The following G3BP1 variants were observed in gnomAD, a reference collection of about 807,000 sequenced individuals.
The protein encoded by G3BP1 is ras GTPase-activating protein-binding protein 1.
A neutral mutation model predicts 58.6 loss-of-function variants in G3BP1; 35 were observed. That is an observed-to-expected ratio of 0.60 (90% CI 0.46 to 0.79). The LOEUF is 0.79. Among genes scored for constraint, G3BP1 ranks in the 30% least tolerant of loss-of-function variants. The pLI is 0.00. For missense variants in G3BP1, 523 were observed against 580.8 expected (o/e 0.90, Z 1.02); for synonymous variants, 191 against 195.4 (o/e 0.98, Z 0.19).
chr5:151,800,871 TA>T lies in G3BP1; in HGVS notation c.1194+4del. 6.9e-7 allele frequency: 1 copy of T among 1,452,342 alleles called. No homozygotes were observed. Among genetic ancestry groups the T allele is most frequent in the Non-Finnish European group, 9.6e-7 (1 of 1,044,696 alleles). The allele number at this position is 1,452,342 out of a possible 1,614,324, so 90.0% of individuals were successfully genotyped here. A position where few individuals can be genotyped will look rare whatever the true frequency, so the allele number is the denominator to read the frequency against. ...GTTCAGAAAGTCCTTAGCAACAGGG[TA>T]AGCAGCTTTTTGTCTTGATTTTTTT... On this transcript the variant is annotated splice_donor_region_variant and intron_variant, in intron 11 of 11. Coordinates refer to ENST00000356245, the MANE Select transcript of G3BP1 (RefSeq NM_005754.3).
At chr5:151,796,377 C>T (rs1253720842) in intron 6 of G3BP1, among the ~76,000 whole-genome samples, 1 of 152,148 alleles carries the variant, frequency 6.6e-6, no homozygotes, top group Non-Finnish European at 1.5e-5. Flanking sequence ...CAAGCAATCC[C>T]CCTGCCTCAG....
rs1161835531 is a variant in G3BP1 at position 151,810,864 on chromosome 5, T to C, written c.*6773T>C. 1.3e-5 allele frequency: 2 copies of C among 152,212 alleles called. No individual in the cohort carries two copies. Among genetic ancestry groups the C allele is most frequent in the Admixed American group, 6.5e-5 (1 of 15,270 alleles). 9.4% of individuals were successfully genotyped at this position (152,212 alleles called of 1,614,324 possible). A position where few individuals can be genotyped will look rare whatever the true frequency, so the allele number is the denominator to read the frequency against. ...GGATATATAAGGGGGAGGAAGTCAC[T>C]GGCCAGTTTGAGGTGCTTCCATTGG... On this transcript the variant is annotated 3_prime_UTR_variant, in exon 12 of 12. Transcript: ENST00000356245.
rs1762921490 is a variant in G3BP1, at chr5:151,805,154, A to T, written c.*1063A>T. ...TATTCTGGTATCTAATCAGATTCCT[A>T]ATCATAGCCCGTAAGAAGGAATGTT... On this transcript the variant is annotated 3_prime_UTR_variant, in exon 12 of 12. Transcript: ENST00000356245. 1 of 152,626 alleles carries T rather than the reference A, an allele frequency of 6.6e-6. No homozygotes were observed. The allele number at this position is 152,626 out of a possible 1,614,324, so 9.5% of individuals were successfully genotyped here.
rs897708099 is a variant in G3BP1 at position 151,806,795 on chromosome 5, T to C, written c.*2704T>C. 3 of 152,134 alleles carry C rather than the reference T, an allele frequency of 2.0e-5. No individual in the cohort carries two copies. Among genetic ancestry groups the C allele is most frequent in the African/African-American group, 7.2e-5 (3 of 41,418 alleles). The allele number at this position is 152,134 out of a possible 1,614,324, so 9.4% of individuals were successfully genotyped here. On this transcript the variant is annotated 3_prime_UTR_variant, in exon 12 of 12. Transcript: ENST00000356245. ...TAGAACTCTTGACCCATGAGATTTTTTTTTTAAATTTTTATTTTTATAGAG... is the reference window on the plus strand; with the variant it reads ...TAGAACTCTTGACCCATGAGATTTTCTTTTTAAATTTTTATTTTTATAGAG...
At position 151,804,614 on chromosome 5, in the gene G3BP1, AT is replaced by A. The variant is rs1762912373; in HGVS notation, c.*527del. 6.6e-6 allele frequency: 1 copy of A among 152,648 alleles called. No homozygotes were observed. The highest frequency in any genetic ancestry group is 1.9e-4 in the East Asian group (1 of 5,198). 9.5% of individuals were successfully genotyped at this position (152,648 alleles called of 1,614,324 possible). The stretch of plus-strand genomic sequence containing the variant: ...GAAATTGCCATTGGAAAATTTGACA[AT>A]TTTGATTCTCACTGGTATGTTTAAA... On this transcript the variant is annotated 3_prime_UTR_variant, in exon 12 of 12. Coordinates refer to ENST00000356245, the MANE Select transcript of G3BP1 (RefSeq NM_005754.3).
Position 151,800,227 on chromosome 5 carries a change from C to T in G3BP1, c.965C>T (p.Ala322Val), listed in dbSNP as rs1413777038. ...PQRGPRPIRE[A>V]GEQGDIEPRR... Reference sequence around the variant, plus strand: ...TTTGTCTCCTTTTAAGTCCGTGAGGCTGGTGAGCAAGGTGACATTGAACCC... The same window carrying T: ...TTTGTCTCCTTTTAAGTCCGTGAGGTTGGTGAGCAAGGTGACATTGAACCC... Residue 322 changes from alanine to valine, a missense_variant, in exon 10 of 12, where the codon GCT becomes GTT. By Grantham distance (64) the Ala-to-Val change is moderately conservative. Around this residue, in one of 2 missense-constraint regions of G3BP1, gnomAD observed 398 missense variants for 399.1 expected, o/e 1.00. Transcript: ENST00000356245. 1.9e-6 allele frequency: 3 copies of T among 1,612,320 alleles called. No individual in the cohort carries two copies. The highest frequency in any genetic ancestry group is 2.7e-5 in the African/African-American group (2 of 74,864).
chr5:151,780,981 T>C (rs1762460937), intron 1 of G3BP1, among the ~76,000 whole-genome samples: 4 of 152,220 alleles, frequency 2.6e-5, no homozygotes, highest in Admixed American at 2.6e-4. Context: ...GGGTATGAAC[T>C]GCTCAGGTCC....
At chr5:151,798,681 G>A (rs939518473) in intron 7 of G3BP1, among the ~76,000 whole-genome samples, 1 of 152,118 alleles carries the variant, frequency 6.6e-6, no homozygotes, top group Non-Finnish European at 1.5e-5. Flanking sequence ...AGCTTTTGTT[G>A]GGCCAGGCGT....
At chr5:151,802,628 A>C (rs1231734119) in intron 11 of G3BP1, among the ~76,000 whole-genome samples, 1 of 152,186 alleles carries the variant, frequency 6.6e-6, no homozygotes, top group African/African-American at 2.4e-5. Flanking sequence ...TGTAAAGGTT[A>C]AGTGAGCTAA....
At chr5:151,781,382 G>A (rs570162012) in intron 1 of G3BP1, among the ~76,000 whole-genome samples, 25 of 152,290 alleles carry the variant, frequency 1.6e-4, no homozygotes, top group African/African-American at 5.3e-4. Flanking sequence ...CAATGTGCTT[G>A]TGTTGCAAGT....
chr5:151,773,008 C>T (rs1307779309), intron 1 of G3BP1, among the ~76,000 whole-genome samples: 1 of 152,198 alleles, frequency 6.6e-6, no homozygotes, highest in East Asian at 1.9e-4. Flanking sequence ...GGTAGATGTG[C>T]CGCCACCGTA....
At chr5:151,790,501 C>T in intron 3 of G3BP1, 97 bp downstream of exon 3, 1 of 579,752 alleles carries the variant, frequency 1.7e-6, no homozygotes, top group Non-Finnish European at 3.0e-6. Context: ...GATAAAGATC[C>T]AGTTTCTCAA....
At position 151,805,450 on chromosome 5, in the gene G3BP1, A is replaced by G. The variant is rs1007957407; in HGVS notation, c.*1359A>G. The G allele has an allele frequency of 6.6e-6, 1 of 152,354 alleles. No individual in the cohort carries two copies. Among genetic ancestry groups the G allele is most frequent in the Non-Finnish European group, 1.5e-5 (1 of 68,034 alleles). The allele number at this position is 152,354 out of a possible 1,614,324, so 9.4% of individuals were successfully genotyped here. A position where few individuals can be genotyped will look rare whatever the true frequency, so the allele number is the denominator to read the frequency against. ...AGGTTTTGTTTACACGTGTGAAACA[A>G]ACTTTTGTGTGATTGTCATTACTAA... is the stretch of plus-strand genomic sequence containing the variant. On this transcript the variant is annotated 3_prime_UTR_variant, in exon 12 of 12. Transcript: ENST00000356245.
chr5:151,791,065 A>G lies in G3BP1; in HGVS notation c.351+3A>G, dbSNP rs368770743. ...AAACGTTTGTCCTTGCTCCTGAGGTATGTGTAGGAATGATTATTTTGTAGT... is the reference window on the plus strand; with the variant it reads ...AAACGTTTGTCCTTGCTCCTGAGGTGTGTGTAGGAATGATTATTTTGTAGT... On this transcript the variant is annotated splice_donor_region_variant and intron_variant, in intron 4 of 11. Coordinates refer to ENST00000356245, the MANE Select transcript of G3BP1 (RefSeq NM_005754.3). 3.5e-5 allele frequency: 56 copies of G among 1,606,290 alleles called. No homozygotes were observed. Among genetic ancestry groups the G allele is most frequent in the African/African-American group, 3.3e-4 (25 of 74,766 alleles).
chr5:151,803,190 A>G (rs1315385717), intron 11 of G3BP1, among the ~76,000 whole-genome samples: 1 of 152,258 alleles, frequency 6.6e-6, no homozygotes, highest in Admixed American at 6.5e-5. Flanking sequence ...TTTATTTTAA[A>G]TGTATATGTA....
At position 151,800,658 on chromosome 5, in the gene G3BP1, C is replaced by T. The variant is rs1055546414; in HGVS notation, c.1085-102C>T. The T allele has an allele frequency of 5.3e-6, 4 of 755,290 alleles. No homozygotes were observed. The African/African-American group carries it at 6.9e-5, about 13-fold the overall frequency. 46.8% of individuals were successfully genotyped at this position (755,290 alleles called of 1,614,324 possible). ...TAGCTATATTTATAATTCAAGTGCT[C>T]AGTAGTCACATGCATCTAGTGGCTA... On this transcript the variant is annotated intron_variant, in intron 10 of 11. Coordinates refer to ENST00000356245, the MANE Select transcript of G3BP1 (RefSeq NM_005754.3).
At position 151,803,291 on chromosome 5, in the gene G3BP1, TTTTTTTA is replaced by T. The variant is rs1323096012; in HGVS notation, c.1195-577_1195-571del. Reference sequence around the variant, plus strand: ...CCAAATCTATGGAGAAGGTGGCAATTTTTTTTATTTTTTATTTTTTATTGGGACGGAG... The same window carrying T: ...CCAAATCTATGGAGAAGGTGGCAATTTTTTTTATTTTTTATTGGGACGGAG... On this transcript the variant is annotated intron_variant, in intron 11 of 11. Transcript: ENST00000356245. Among the ~76,000 whole-genome samples, 8 of 152,304 alleles carry T rather than the reference TTTTTTTA, an allele frequency of 5.3e-5. No individual in the cohort carries two copies. The South Asian group carries it at 1.2e-3, about 24-fold the overall frequency.
chr5:151,803,892 T>C lies in G3BP1; in HGVS notation c.1202T>C (p.Met401Thr), dbSNP rs754288732. ...TCACCTTGATTCTTACAGCCCATCATGTTCAGAGGTGAGGTCCGTCTGAAT... is the reference window on the plus strand; with the variant it reads ...TCACCTTGATTCTTACAGCCCATCACGTTCAGAGGTGAGGTCCGTCTGAAT... ...VQKVLSNRPI[M>T]FRGEVRLNVE... The change falls in exon 12 of 12, where the codon ATG (methionine) becomes ACG (threonine). Residue 401 changes from methionine to threonine, a missense_variant. Transcript: ENST00000356245. 7.5e-6 allele frequency: 12 copies of C among 1,609,632 alleles called. No homozygotes were observed. The highest frequency in any genetic ancestry group is 1.0e-5 in the Non-Finnish European group (12 of 1,176,070).
Position 151,793,228 on chromosome 5 carries a change from C to T in G3BP1, c.352-931C>T, listed in dbSNP as rs145700367. ...GGTTCAAGCAATCCTCCCGCCTCAG[C>T]CTCCCTAGCAGCTGGGACTACAGGT... On this transcript the variant is annotated intron_variant, in intron 4 of 11. Transcript: ENST00000356245. Among the ~76,000 whole-genome samples, 1,449 of 152,258 alleles carry T rather than the reference C, an allele frequency of 9.5e-3. 21 individuals are homozygous for T. The highest frequency in any genetic ancestry group is 0.031 in the African/African-American group (1,291 of 41,556).
Sources: gnomAD v4.1 joint callset for allele counts (sites outside exome capture counted in the v4.1 genomes callset) on GRCh38, gnomAD v4.1.1 for gene constraint, gnomAD v4.1.1 regional missense constraint, MANE v1.5 for transcripts, NCBI Gene and HGNC (gene_info 2026-07-23, HGNC 2026-07-21) for gene names.